ADCY2: variants seen among roughly 807,000 people sequenced by gnomAD.
The protein encoded by ADCY2 is adenylate cyclase type 2.
Under a neutral mutation model 125.2 loss-of-function variants are expected in ADCY2, and 31 were observed. That is an observed-to-expected ratio of 0.25 (90% confidence interval 0.19 to 0.33). The LOEUF (loss-of-function observed/expected upper bound fraction) is 0.33, where lower values mean the gene tolerates loss of function less well. ADCY2 is among the 10% of genes least tolerant of loss of function. ADCY2 has a pLI of 1.00. For missense variants in ADCY2, 904 were observed against 1,418.2 expected (o/e 0.64, Z 5.82); for synonymous variants, 512 against 548.4 (o/e 0.93, Z 0.93).
At chr5:7,511,034 T>C (rs2126518933) in intron 2 of ADCY2, among the ~76,000 whole-genome samples, 1 of 152,260 alleles carries the variant, frequency 6.6e-6, no homozygotes, top group East Asian at 1.9e-4. Context: ...TCAGCCTCCT[T>C]GGGGCTTCCC....
intron 4 of ADCY2, among the ~76,000 whole-genome samples, chr5:7,669,676 ATCTC>A (rs1267604555): frequency 2.0e-5 from 3 of 152,118 alleles, no homozygotes; most frequent in Non-Finnish European, 4.4e-5. Context: ...CTCCAGTTAC[ATCTC>A]TCTCTATTTA....
At chr5:7,433,903 TCTGTC>T (rs1171038703) in intron 2 of ADCY2, among the ~76,000 whole-genome samples, 1 of 152,196 alleles carries the variant, frequency 6.6e-6, no homozygotes, top group African/African-American at 2.4e-5. Flanking sequence ...GATTCCTACT[TCTGTC>T]ATGTCATGTC....
intron 15 of ADCY2, among the ~76,000 whole-genome samples, chr5:7,754,093 T>C (rs759273844): frequency 2.0e-4 from 30 of 152,156 alleles, no homozygotes; most frequent in Non-Finnish European, 1.5e-4. Context: ...CCCCCATGCG[T>C]CTAGTAAGTA....
At chr5:7,450,465 GA>G (rs1189120971) in intron 2 of ADCY2, among the ~76,000 whole-genome samples, 1 of 152,176 alleles carries the variant, frequency 6.6e-6, no homozygotes, top group African/African-American at 2.4e-5. Flanking sequence ...AGCTACCAAA[GA>G]AAAGTGGGAA....
At chr5:7,750,455 T>G (rs1742773025) in intron 15 of ADCY2, among the ~76,000 whole-genome samples, 1 of 152,206 alleles carries the variant, frequency 6.6e-6, no homozygotes, top group Non-Finnish European at 1.5e-5. Flanking sequence ...TATTCAATGT[T>G]TATTCCTGTT....
intron 15 of ADCY2, chr5:7,746,459 G>A (rs1345684502): frequency 2.0e-5 from 3 of 152,050 alleles, no homozygotes; most frequent in Non-Finnish European, 4.4e-5. Context: ...CAAATATATT[G>A]GTGTACAGCC....
At chr5:7,455,472 G>A (rs908064630) in intron 2 of ADCY2, among the ~76,000 whole-genome samples, 13 of 151,854 alleles carry the variant, frequency 8.6e-5, no homozygotes, top group African/African-American at 3.1e-4. Flanking sequence ...TCAAGGTTAT[G>A]TGATTACCTA....
At chr5:7,594,765 A>T (rs1359323524) in intron 3 of ADCY2, among the ~76,000 whole-genome samples, 1 of 152,236 alleles carries the variant, frequency 6.6e-6, no homozygotes, top group Non-Finnish European at 1.5e-5. Context: ...TATTTGGGAA[A>T]CATTCATCCA....
chr5:7,541,628 C>A (rs1734999038), intron 3 of ADCY2, among the ~76,000 whole-genome samples: 1 of 152,204 alleles, frequency 6.6e-6, no homozygotes, highest in Non-Finnish European at 1.5e-5. Flanking sequence ...TCAGGTACAC[C>A]TTTCAGGCGT....
chr5:7,810,557 G>T (rs954894401), intron 22 of ADCY2, among the ~76,000 whole-genome samples: 1 of 151,736 alleles, frequency 6.6e-6, no homozygotes, highest in Non-Finnish European at 1.5e-5. Flanking sequence ...TGATTGCTGG[G>T]TTATCTACCT....
chr5:7,479,601 C>T (rs1307993386), intron 2 of ADCY2, among the ~76,000 whole-genome samples: 3 of 150,028 alleles, frequency 2.0e-5, no homozygotes, highest in African/African-American at 7.4e-5. Flanking sequence ...TCAAATTGTA[C>T]TCTTATAGTT....
At chr5:7,573,577 A>T (rs1353676187) in intron 3 of ADCY2, among the ~76,000 whole-genome samples, 1 of 137,074 alleles carries the variant, frequency 7.3e-6, no homozygotes, top group Non-Finnish European at 1.7e-5. Flanking sequence ...AGCCTCTGGG[A>T]TACAGGGTTG....
intron 3 of ADCY2, among the ~76,000 whole-genome samples, chr5:7,607,460 G>A (rs981847227): frequency 6.6e-6 from 1 of 152,168 alleles, no homozygotes; most frequent in African/African-American, 2.4e-5. Context: ...CTGACACTCC[G>A]GAGTGGGCTC....
At chr5:7,482,792 A>ATATATAT (rs113359994) in intron 2 of ADCY2, among the ~76,000 whole-genome samples, 5 of 134,072 alleles carry the variant, frequency 3.7e-5, no homozygotes, top group Non-Finnish European at 7.7e-5. Context: ...ATATATATAT[A>ATATATAT]CACACACACA....
intron 3 of ADCY2, among the ~76,000 whole-genome samples, chr5:7,595,048 G>GT (rs1299631060): frequency 6.6e-6 from 1 of 152,104 alleles, no homozygotes; most frequent in Non-Finnish European, 1.5e-5. Context: ...CTTTTAATCT[G>GT]TTTTCTTTGT....
intron 4 of ADCY2, among the ~76,000 whole-genome samples, chr5:7,666,032 G>T (rs1358265735): frequency 1.3e-5 from 2 of 150,558 alleles, no homozygotes; most frequent in South Asian, 2.1e-4. Flanking sequence ...TAGAGACAGG[G>T]TTTCACCATG....
Position 7,804,688 on chromosome 5 carries a change from C to T in ADCY2, c.2879C>T (p.Ser960Phe), listed in dbSNP as rs1230477620. ...GLSAVPSQEH[S>F]QEPERQYMHI... is the part of the protein sequence containing the mutation. ...AGCGCTGTGCCCAGCCAGGAGCACT[C>T]CCAGGTAAGACGCGTTGGCCACTTA... The change falls in exon 22 of 25, where the codon TCC (serine) becomes TTC (phenylalanine). Residue 960 changes from serine (S) to phenylalanine (F), a missense_variant. Ser to Phe is a radical substitution (Grantham distance 155, BLOSUM62 -2). Around this residue, in one of 7 missense-constraint regions of ADCY2, gnomAD observed 181 missense variants for 381.6 expected, o/e 0.47. Coordinates refer to ENST00000338316, the MANE Select transcript of ADCY2 (RefSeq NM_020546.3). 1 of 1,613,504 alleles carries T rather than the reference C, an allele frequency of 6.2e-7. No individual in the cohort carries two copies. Among genetic ancestry groups the T allele is most frequent in the Non-Finnish European group, 8.5e-7 (1 of 1,179,562 alleles).
At chr5:7,719,974 A>G (rs1015304010) in intron 12 of ADCY2, among the ~76,000 whole-genome samples, 11 of 151,996 alleles carry the variant, frequency 7.2e-5, no homozygotes, top group African/African-American at 2.7e-4. Context: ...TAGTAAGCAT[A>G]GTATTCAGAA....
chr5:7,724,397 T>C (rs571203796), intron 12 of ADCY2, 148 bp from the exon 13 acceptor site: 2 of 642,258 alleles, frequency 3.1e-6, no homozygotes, highest in African/African-American at 3.8e-5. Context: ...TCCAGTTAGT[T>C]GGCATCACGT....
Sources: allele counts gnomAD v4.1 joint callset (sites outside exome capture counted in the v4.1 genomes callset), GRCh38; gene constraint gnomAD v4.1.1; regional missense constraint gnomAD v4.1.1; transcripts MANE v1.5; gene names NCBI Gene and HGNC (gene_info 2026-07-23, HGNC 2026-07-21).